Variants in AGAP3 observed in about 807,000 individuals in gnomAD.
AGAP3 encodes the protein arf-GAP with GTPase, ANK repeat and PH domain-containing protein 3.
In AGAP3, 24 loss-of-function variants were observed where a neutral mutation model predicts 96.9. The observed-to-expected ratio is 0.25, with a 90% CI of 0.18 to 0.35. The LOEUF (loss-of-function observed/expected upper bound fraction) is 0.35. Ranked by LOEUF, AGAP3 falls within the 10% of genes least tolerant of loss-of-function variation. The pLI is 1.00. For missense variants in AGAP3, 876 were observed against 1,254.2 expected (o/e 0.70, Z 4.55); for synonymous variants, 563 against 536.1 (o/e 1.05, Z -0.69).
intron 1 of AGAP3, among the ~76,000 whole-genome samples, chr7:151,101,297 G>A (rs781513515): frequency 4.6e-5 from 7 of 152,224 alleles, no homozygotes; most frequent in Admixed American, 6.5e-5. Context: ...GCAGGGACCC[G>A]TGCATTGCTA....
intron 8 of AGAP3, chr7:151,123,448 C>A: frequency 8.7e-7 from 1 of 1,143,188 alleles, no homozygotes; most frequent in Non-Finnish European, 1.1e-6. Flanking sequence ...CCGGTTGTCG[C>A]GCCCTGTGCT....
chr7:151,111,348 T>C (rs1799277037), intron 1 of AGAP3, among the ~76,000 whole-genome samples: 1 of 152,184 alleles, frequency 6.6e-6, no homozygotes, highest in Non-Finnish European at 1.5e-5. Flanking sequence ...AAGCTCCGGC[T>C]TTCAGGAGAA....
rs771979371 is a variant in AGAP3 at position 151,140,095 on chromosome 7, G to A, written c.1783G>A (p.Gly595Ser). ...KKSTGTPRPD[G>S]PSSATEEAEE... ...GAGCACCGGGACCCCCCGACCAGACGGCCCCAGCAGTGCTACTGAAGGTTA... is the reference window on the plus strand; with the variant it reads ...GAGCACCGGGACCCCCCGACCAGACAGCCCCAGCAGTGCTACTGAAGGTTA... The change falls in exon 13 of 18, where the codon GGC becomes AGC. Residue 595 changes from glycine to serine, a missense_variant. By Grantham distance (56) the Gly-to-Ser change is moderately conservative. Coordinates refer to ENST00000397238, the MANE Select transcript of AGAP3 (RefSeq NM_031946.7). The surrounding 1 kb of genome is among the most constrained non-coding windows in gnomAD (Gnocchi z 5.4). 7 of 1,600,188 alleles carry A rather than the reference G, an allele frequency of 4.4e-6. No homozygotes were observed. Among genetic ancestry groups the A allele is most frequent in the Admixed American group, 3.4e-5 (2 of 58,174 alleles).
chr7:151,109,180 AC>A (rs1412206270), intron 1 of AGAP3, among the ~76,000 whole-genome samples: 51 of 148,244 alleles, frequency 3.4e-4, no homozygotes, highest in African/African-American at 1.1e-3. Flanking sequence ...AAAAAAAAAA[AC>A]AAAAAACAAA....
At chr7:151,113,923 C>A (rs1239377138) in intron 1 of AGAP3, among the ~76,000 whole-genome samples, 1 of 152,136 alleles carries the variant, frequency 6.6e-6, no homozygotes, top group African/African-American at 2.4e-5. Flanking sequence ...CCGCAGGCTA[C>A]CACTTGATCT....
intron 1 of AGAP3, chr7:151,116,372 C>A (rs1387793924): frequency 1.1e-5 from 2 of 182,410 alleles, no homozygotes; most frequent in Non-Finnish European, 2.3e-5. Flanking sequence ...TTCTTACTTG[C>A]AGGAGTCTGC....
At position 151,118,328 on chromosome 7, in the gene AGAP3, G is replaced by A. The variant is rs770797238; in HGVS notation, c.825G>A (p.Glu275=). Residue 275 remains glutamate, a synonymous_variant, in exon 6 of 18, where the codon GAG becomes GAA. Transcript: ENST00000397238. This position sits in a 1 kb window ranked among gnomAD's most constrained non-coding sequence, Gnocchi z 6.1. ...GCGCGACCTACGGGCTCAATGTGGAGCGTGTCTTCCAGGACGGTAACTCGG... is the reference window on the plus strand; with the variant it reads ...GCGCGACCTACGGGCTCAATGTGGAACGTGTCTTCCAGGACGGTAACTCGG... The part of the protein sequence containing the change: ...ETCATYGLNV[E]RVFQDVAQKV... The A allele has an allele frequency of 6.2e-7, 1 of 1,612,228 alleles. No individual in the cohort carries two copies. Among genetic ancestry groups the A allele is most frequent in the Non-Finnish European group, 8.5e-7 (1 of 1,178,392 alleles).
chr7:151,120,914 A>G (rs893477155), intron 8 of AGAP3: 15 of 992,332 alleles, frequency 1.5e-5, no homozygotes, highest in Non-Finnish European at 1.8e-5. Context: ...TCCAAACCCT[A>G]ATCCTCCAGC....
intron 8 of AGAP3, among the ~76,000 whole-genome samples, chr7:151,121,564 C>A (rs974056629): frequency 6.6e-6 from 1 of 152,016 alleles, no homozygotes; most frequent in Non-Finnish European, 1.5e-5. Context: ...GCCCTGCTAC[C>A]CTCTCCTCCG....
intron 7 of AGAP3, chr7:151,119,317 G>C (rs1459881924): frequency 6.3e-6 from 1 of 158,914 alleles, no homozygotes; most frequent in Admixed American, 6.1e-5. Flanking sequence ...TTGCGGTGCA[G>C]ACCACCTGGT....
Position 151,114,906 on chromosome 7 carries a change from G to T in AGAP3, c.332-1887G>T. ...CCGCGCTGCCGCCGCCCTGCAGGCC[G>T]CCCTCTGCGCCGCCAGTGAGCAGCC... On this transcript the variant is annotated intron_variant, in intron 1 of 17. Coordinates refer to ENST00000397238, the MANE Select transcript of AGAP3 (RefSeq NM_031946.7). This position sits in a 1 kb window ranked among gnomAD's most constrained non-coding sequence, Gnocchi z 4.4. 1.0e-6 allele frequency: 1 copy of T among 992,770 alleles called. No individual in the cohort carries two copies. Among genetic ancestry groups the T allele is most frequent in the Non-Finnish European group, 1.2e-6 (1 of 837,350 alleles). The allele number at this position is 992,770 out of a possible 1,614,324, so 61.5% of individuals were successfully genotyped here.
chr7:151,143,759 G>A lies in AGAP3; in HGVS notation c.2552G>A (p.Arg851Gln), dbSNP rs778249733. ...CAGTACGGGGTGGACGTGAGGAGCC[G>A]GGACGCCCGGGGCCTGACTCCACTG... ...LIWYGVDVRSRDARGLTPLAY... is the reference protein window; with the variant it reads ...LIWYGVDVRSQDARGLTPLAY... Residue 851 changes from arginine (R) to glutamine (Q), a missense_variant, in exon 18 of 18, where the codon CGG becomes CAG. Physicochemically the swap from Arg to Gln is conservative, Grantham distance 43. Around this residue, in one of 8 missense-constraint regions of AGAP3, gnomAD observed 213 missense variants for 253.8 expected, o/e 0.84. Coordinates refer to ENST00000397238, the MANE Select transcript of AGAP3 (RefSeq NM_031946.7). The surrounding 1 kb of genome is among the most constrained non-coding windows in gnomAD (Gnocchi z 5.9). 2.9e-5 allele frequency: 47 copies of A among 1,614,030 alleles called. No individual in the cohort carries two copies. In the East Asian group the frequency reaches 4.9e-4, roughly 17 times the overall value.
At chr7:151,128,493 G>C (rs978513454) in intron 9 of AGAP3, 87 bp from the exon 10 acceptor site, 1 of 1,053,976 alleles carries the variant, frequency 9.5e-7, no homozygotes, top group South Asian at 1.4e-5. Flanking sequence ...GGAGGGGGGA[G>C]GGCATTGCCT....
At chr7:151,131,497 G>A (rs909848071) in intron 10 of AGAP3, among the ~76,000 whole-genome samples, 1 of 152,198 alleles carries the variant, frequency 6.6e-6, no homozygotes, top group African/African-American at 2.4e-5. Context: ...AGCCGCCACC[G>A]CCACCATGCT....
chr7:151,140,120 AG>A lies in AGAP3; in HGVS notation c.1804+9del. ...GGCCCCAGCAGTGCTACTGAAGGTT[AG>A]GGGGACCCAGAGGGAAACCGGGCAC... On this transcript the variant is annotated splice_donor_5th_base_variant and intron_variant, in intron 13 of 17. Coordinates refer to ENST00000397238, the MANE Select transcript of AGAP3 (RefSeq NM_031946.7). The surrounding 1 kb of genome is among the most constrained non-coding windows in gnomAD (Gnocchi z 5.4). The A allele has an allele frequency of 6.3e-7, 1 of 1,579,310 alleles. No homozygotes were observed. The highest frequency in any genetic ancestry group is 1.2e-5 in the South Asian group (1 of 85,450).
chr7:151,126,638 C>A (rs1376969931), intron 9 of AGAP3, among the ~76,000 whole-genome samples: 1 of 152,164 alleles, frequency 6.6e-6, no homozygotes, highest in Non-Finnish European at 1.5e-5. Flanking sequence ...GCACGCTAGT[C>A]CCATGGCTGG....
At chr7:151,087,138 C>G in intron 1 of AGAP3, 66 bp downstream of exon 1, 1 of 1,504,744 alleles carries the variant, frequency 6.6e-7, no homozygotes, top group Non-Finnish European at 9.0e-7. Flanking sequence ...CCGAGGGCTC[C>G]ACAGGCCGTG....
At position 151,096,261 on chromosome 7, in the gene AGAP3, G is replaced by A. The variant is rs553835824; in HGVS notation, c.331+9189G>A. Among the ~76,000 whole-genome samples, 3 of 152,290 alleles carry A rather than the reference G, an allele frequency of 2.0e-5. No individual in the cohort carries two copies. Among genetic ancestry groups the A allele is most frequent in the South Asian group, 2.1e-4 (1 of 4,822 alleles). Reference sequence around the variant, plus strand: ...CACAGGAATGACCATTTCCGGACCCGAGCCTGAGAGCCCAGGTGGCAGAGT... The same window carrying A: ...CACAGGAATGACCATTTCCGGACCCAAGCCTGAGAGCCCAGGTGGCAGAGT... On this transcript the variant is annotated intron_variant, in intron 1 of 17. Coordinates refer to ENST00000397238, the MANE Select transcript of AGAP3 (RefSeq NM_031946.7). This position sits in a 1 kb window ranked among gnomAD's most constrained non-coding sequence, Gnocchi z 4.4.
chr7:151,118,728 G>A lies in AGAP3; in HGVS notation c.969+96G>A. ...TTCTGCTGGCCTCCTGCTCACACCT[G>A]TCCACCTTCCTCTGGCCTCCCAGCC... On this transcript the variant is annotated intron_variant, in intron 7 of 17. Coordinates refer to ENST00000397238, the MANE Select transcript of AGAP3 (RefSeq NM_031946.7). The surrounding 1 kb of genome is among the most constrained non-coding windows in gnomAD (Gnocchi z 6.1). 1 of 1,482,306 alleles carries A rather than the reference G, an allele frequency of 6.7e-7. No individual in the cohort carries two copies. The highest frequency in any genetic ancestry group is 1.2e-5 in the South Asian group (1 of 83,330). The allele number at this position is 1,482,306 out of a possible 1,614,324, so 91.8% of individuals were successfully genotyped here.
Sources: gnomAD v4.1 joint callset for allele counts (sites outside exome capture counted in the v4.1 genomes callset) on GRCh38, gnomAD v4.1.1 for gene constraint, gnomAD v4.1.1 regional missense constraint, Gnocchi (gnomAD v3.1) non-coding constraint, MANE v1.5 for transcripts, NCBI Gene and HGNC (gene_info 2026-07-23, HGNC 2026-07-21) for gene names.